RALYL: variants seen among roughly 807,000 people sequenced by gnomAD.
RALYL encodes RNA-binding Raly-like protein.
RALYL carries 29 observed loss-of-function variants against 35.1 expected under a neutral mutation model. The ratio of observed to expected loss-of-function variants is 0.83; its 90% CI spans 0.61 to 1.13. The LOEUF (loss-of-function observed/expected upper bound fraction) is 1.13, where lower values mean the gene tolerates loss of function less well. Ranked by LOEUF, RALYL falls within the 50% of genes most tolerant of loss-of-function variation. The probability of loss-of-function intolerance (pLI) is 0.00; values close to 1 mark genes in which losing one functional copy is unlikely to be tolerated. For missense variants in RALYL, 359 were observed against 360.4 expected, an observed-to-expected ratio of 1.00 and a Z score of 0.03; for synonymous variants, 120 against 127.6, an observed-to-expected ratio of 0.94 and a Z score of 0.40.
chr8:84,424,223 A>G (rs1054035921), intron 1 of RALYL, among the ~76,000 whole-genome samples: 10 of 148,986 alleles, frequency 6.7e-5, no homozygotes, highest in Middle Eastern at 3.2e-3. Flanking sequence ...ACATAGTCCC[A>G]TATTTCTTGG....
chr8:84,893,343 T>C (rs1844198385), intron 8 of RALYL, among the ~76,000 whole-genome samples: 1 of 152,228 alleles, frequency 6.6e-6, no homozygotes, highest in South Asian at 2.1e-4. Context: ...TAAAAACTAC[T>C]GGAAACTTCA....
chr8:84,776,452 G>A (rs1046507412), intron 3 of RALYL, among the ~76,000 whole-genome samples: 2 of 152,146 alleles, frequency 1.3e-5, no homozygotes, highest in African/African-American at 4.8e-5. Flanking sequence ...GGGTCATGGG[G>A]TAATATTGAC....
intron 2 of RALYL, among the ~76,000 whole-genome samples, chr8:84,755,315 G>A (rs16913207): frequency 0.013 from 1,946 of 152,252 alleles, 44 homozygotes; most frequent in African/African-American, 0.044. Context: ...TTGTTAACCC[G>A]ATATCAGTGT....
intron 4 of RALYL, among the ~76,000 whole-genome samples, chr8:84,833,841 A>G (rs1324432380): frequency 1.3e-5 from 2 of 151,804 alleles, no homozygotes; most frequent in Non-Finnish European, 2.9e-5. Flanking sequence ...ATACTAACTC[A>G]TAGAATTTTG....
chr8:84,490,372 A>G (rs533214909), intron 1 of RALYL, among the ~76,000 whole-genome samples: 3 of 152,108 alleles, frequency 2.0e-5, no homozygotes, highest in South Asian at 4.1e-4. Flanking sequence ...TAATCTGCTC[A>G]TGGGTCAATG....
At chr8:84,919,977 T>G (rs1358345863) in intron 8 of RALYL, among the ~76,000 whole-genome samples, 1 of 152,068 alleles carries the variant, frequency 6.6e-6, no homozygotes, top group Admixed American at 6.6e-5. Flanking sequence ...AAAGAAATTC[T>G]CACCACCCAT....
chr8:84,886,560 A>C (rs1365799737), intron 7 of RALYL, among the ~76,000 whole-genome samples: 3 of 152,200 alleles, frequency 2.0e-5, no homozygotes, highest in African/African-American at 7.2e-5. Flanking sequence ...TAGTGAAAAC[A>C]ACCAACTTTT....
At chr8:84,611,996 GT>G (rs998026338) in intron 2 of RALYL, among the ~76,000 whole-genome samples, 1 of 151,612 alleles carries the variant, frequency 6.6e-6, no homozygotes, top group African/African-American at 2.4e-5. Context: ...TACTGTTCCG[GT>G]TTTTTTGTTA....
At chr8:84,335,950 A>G (rs950888964) in intron 1 of RALYL, among the ~76,000 whole-genome samples, 2 of 152,090 alleles carry the variant, frequency 1.3e-5, no homozygotes, top group African/African-American at 2.4e-5. Flanking sequence ...AGAAAAACAA[A>G]TGAAGAAAAA....
chr8:84,638,880 A>G (rs1825671204), intron 2 of RALYL, among the ~76,000 whole-genome samples: 2 of 29,760 alleles, frequency 6.7e-5, no homozygotes, highest in South Asian at 3.0e-3. Flanking sequence ...AAATATATAT[A>G]TATATATATA....
intron 1 of RALYL, among the ~76,000 whole-genome samples, chr8:84,433,847 A>G (rs1024795938): frequency 2.6e-4 from 37 of 139,726 alleles, no homozygotes; most frequent in East Asian, 7.9e-4. Context: ...GTGTGTGTAT[A>G]TATATATATA....
chr8:84,454,718 A>T (rs911399611), intron 1 of RALYL, among the ~76,000 whole-genome samples: 1 of 152,040 alleles, frequency 6.6e-6, no homozygotes, highest in African/African-American at 2.4e-5. Context: ...TTAACATTCA[A>T]TGTTAGGTAC....
chr8:84,911,778 A>G (rs1428535237), intron 8 of RALYL, among the ~76,000 whole-genome samples: 1 of 152,106 alleles, frequency 6.6e-6, no homozygotes, highest in Non-Finnish European at 1.5e-5. Context: ...CTTGTGTTCA[A>G]TATTTTTCTA....
intron 1 of RALYL, among the ~76,000 whole-genome samples, chr8:84,348,621 C>T (rs912723447): frequency 9.2e-5 from 14 of 152,124 alleles, no homozygotes; most frequent in African/African-American, 2.2e-4. Flanking sequence ...CTTTATCGAC[C>T]GTAAACATTT....
rs143567360 is a variant in RALYL, at chr8:84,272,051, T to G, written c.-24+87627T>G. ...TTCTAAGATTATTTTCTGTTTTTAGTAGGAAAAGTGTGTACATGTTTTTTT... is the reference window on the plus strand; with the variant it reads ...TTCTAAGATTATTTTCTGTTTTTAGGAGGAAAAGTGTGTACATGTTTTTTT... On this transcript the variant is annotated intron_variant, in intron 1 of 8. Transcript: ENST00000521268. 1.1e-4 allele frequency among the ~76,000 whole-genome samples: 16 copies of G among 152,136 alleles called. No individual in the cohort carries two copies. In the East Asian group the frequency reaches 3.1e-3, roughly 29 times the overall value.
intron 5 of RALYL, among the ~76,000 whole-genome samples, chr8:84,860,452 T>G (rs909052463): frequency 6.6e-6 from 1 of 152,200 alleles, no homozygotes; most frequent in Non-Finnish European, 1.5e-5. Flanking sequence ...CAAAGTGCCT[T>G]TGTATTTTGG....
intron 3 of RALYL, among the ~76,000 whole-genome samples, chr8:84,792,814 G>A (rs1181893420): frequency 6.6e-6 from 1 of 152,188 alleles, no homozygotes; most frequent in Non-Finnish European, 1.5e-5. Context: ...CAAGAGAGAG[G>A]AAGAAGCTGT....
intron 1 of RALYL, among the ~76,000 whole-genome samples, chr8:84,486,118 G>C (rs1301333936): frequency 6.8e-6 from 1 of 147,780 alleles, no homozygotes; most frequent in South Asian, 2.1e-4. Context: ...CAGCAGCAGT[G>C]TACCTAGTGT....
At chr8:84,803,529 A>C (rs1482452440) in intron 3 of RALYL, among the ~76,000 whole-genome samples, 1 of 152,228 alleles carries the variant, frequency 6.6e-6, no homozygotes, top group Non-Finnish European at 1.5e-5. Context: ...GGAATTCAGA[A>C]AAGGAAAGGT....
Sources: gnomAD v4.1 joint callset for allele counts (sites outside exome capture counted in the v4.1 genomes callset) on GRCh38, gnomAD v4.1.1 for gene constraint, MANE v1.5 for transcripts, NCBI Gene and HGNC (gene_info 2026-07-23, HGNC 2026-07-21) for gene names.